Variants in COL28A1 observed in about 807,000 individuals in gnomAD.
COL28A1 encodes the protein collagen alpha-1(XXVIII) chain.
In COL28A1, 161 loss-of-function variants were observed where a neutral mutation model predicts 150.2. The observed-to-expected ratio is 1.07, with a 90% CI of 0.94 to 1.22. The LOEUF (loss-of-function observed/expected upper bound fraction) is 1.22. Among genes scored for constraint, COL28A1 ranks in the 50% most tolerant of loss-of-function variants. The pLI, the probability that COL28A1 is intolerant of heterozygous loss-of-function variation, is 0.00. For synonymous variants in COL28A1, 552 were observed against 469.7 expected (o/e 1.18, Z -2.26); for missense variants, 1,617 against 1,388.3 (o/e 1.16, Z -2.62).
chr7:7,512,444 C>T (rs1781197182), intron 8 of COL28A1, among the ~76,000 whole-genome samples: 1 of 152,092 alleles, frequency 6.6e-6, no homozygotes, highest in African/African-American at 2.4e-5. Context: ...ATACATTTAT[C>T]AAATTATATT....
intron 27 of COL28A1, among the ~76,000 whole-genome samples, chr7:7,386,410 GAACT>G (rs941582281): frequency 1.1e-4 from 16 of 152,288 alleles, no homozygotes; most frequent in African/African-American, 3.8e-4. Context: ...CAAAAAATGA[GAACT>G]AATCTGTGAA....
In COL28A1 at chr7:7,531,500, C is replaced by A; in HGVS notation, c.529G>T (p.Asp177Tyr). The change falls in exon 3 of 35, where the codon GAT becomes TAT. Residue 177 changes from aspartate to tyrosine, a missense_variant. Asp to Tyr is a radical substitution (Grantham distance 160). Transcript: ENST00000399429. ...AATGATATTCCTGAAATTCTGGCAT[C>A]TTCAGAAATACTTTGAACATCTGGA... is the stretch of plus-strand genomic sequence containing the variant. ...KNPDVQSISE[D>Y]ARISGISFIT... The A allele has an allele frequency of 6.2e-7, 1 of 1,611,318 alleles. No individual in the cohort carries two copies. The highest frequency in any genetic ancestry group is 8.5e-7 in the Non-Finnish European group (1 of 1,177,542).
intron 27 of COL28A1, among the ~76,000 whole-genome samples, chr7:7,383,107 CAG>C (rs1781956675): frequency 6.6e-6 from 1 of 152,092 alleles, no homozygotes; most frequent in African/African-American, 2.4e-5. Context: ...AAAAATAAAA[CAG>C]ATACAATTCA....
intron 11 of COL28A1, among the ~76,000 whole-genome samples, chr7:7,501,578 G>C (rs1472483649): frequency 6.6e-6 from 1 of 152,148 alleles, no homozygotes; most frequent in Non-Finnish European, 1.5e-5. Context: ...ATATAGGCTG[G>C]GCAAACCCAG....
At chr7:7,451,929 C>T (rs73346309) in intron 18 of COL28A1, among the ~76,000 whole-genome samples, 2,736 of 152,230 alleles carry the variant, frequency 0.018, 88 homozygotes, top group African/African-American at 0.063. Flanking sequence ...AAGTTGAGCG[C>T]TCAACTGGCT....
At chr7:7,429,538 C>A (rs917176163) in intron 25 of COL28A1, among the ~76,000 whole-genome samples, 2 of 151,692 alleles carry the variant, frequency 1.3e-5, no homozygotes, top group Admixed American at 6.6e-5. Context: ...AAAAAAAGGC[C>A]ACATAGAAAT....
At chr7:7,540,330 A>G (rs1393377384), upstream of COL28A1, among the ~76,000 whole-genome samples, 1 of 152,194 alleles carries the variant, frequency 6.6e-6, no homozygotes, top group Non-Finnish European at 1.5e-5. Flanking sequence ...TTACTTTCAG[A>G]TATTAGACAG....
chr7:7,348,910 T>A, the COL28A1 span, among the ~76,000 whole-genome samples: 1 of 152,022 alleles, frequency 6.6e-6, no homozygotes, highest in Non-Finnish European at 1.5e-5. Context: ...ACCCAGATAA[T>A]TTTTTAAATT....
intron 11 of COL28A1, among the ~76,000 whole-genome samples, chr7:7,505,232 C>T (rs1185107165): frequency 6.6e-6 from 1 of 152,178 alleles, no homozygotes; most frequent in African/African-American, 2.4e-5. Context: ...CCTTAAAAAG[C>T]TGGCTTTCTT....
intron 27 of COL28A1, among the ~76,000 whole-genome samples, chr7:7,400,323 G>C (rs2128298447): frequency 6.6e-6 from 1 of 152,268 alleles, no homozygotes; most frequent in Middle Eastern, 3.4e-3. Context: ...AGATTTGACA[G>C]ACAGGAGAGA....
chr7:7,373,182 ATCTG>A lies in COL28A1; in HGVS notation c.2720_2723del (p.Thr907IlefsTer8). On this transcript the variant is annotated frameshift_variant, in exon 32 of 35. Transcript: ENST00000399429. LOFTEE classifies it high-confidence loss of function. The surrounding 1 kb of genome is among the most constrained non-coding windows in gnomAD (Gnocchi z 4.1). The stretch of plus-strand genomic sequence containing the variant: ...CTGTCAGTTTCTCTTTATCACGAGA[ATCTG>A]TCTGTCCATCAGTGATGACCAAGGC... The A allele has an allele frequency of 6.2e-7, 1 of 1,614,160 alleles. No homozygotes were observed. Among genetic ancestry groups the A allele is most frequent in the South Asian group, 1.1e-5 (1 of 91,078 alleles).
In COL28A1 at chr7:7,398,763, A is replaced by G. The variant is rs142278376; in HGVS notation, c.2137-17151T>C. Among the ~76,000 whole-genome samples, 33 of 152,312 alleles carry G rather than the reference A, an allele frequency of 2.2e-4. 1 individual carries two copies. The highest frequency in any genetic ancestry group is 4.6e-4 in the Non-Finnish European group (31 of 68,026). ...AATACAGAGAGACAGGGTTGCCTTT[A>G]TGACAGTTGACTCTGCTAGAGACAA... On this transcript the variant is annotated intron_variant, in intron 27 of 34. Transcript: ENST00000399429.
intron 11 of COL28A1, among the ~76,000 whole-genome samples, chr7:7,501,427 C>A (rs112320476): frequency 2.6e-5 from 4 of 152,252 alleles, no homozygotes; most frequent in African/African-American, 9.6e-5. Flanking sequence ...CCAGCTGCTT[C>A]CTGCACACGC....
intron 25 of COL28A1, 23 bp downstream of exon 25, chr7:7,432,450 C>T (rs773236684): frequency 1.8e-5 from 29 of 1,607,476 alleles, no homozygotes; most frequent in Non-Finnish European, 2.3e-5. Flanking sequence ...GAAGCTAGTA[C>T]GTTGCCTACT....
chr7:7,452,159 T>C (rs576677575), intron 18 of COL28A1, among the ~76,000 whole-genome samples, 160 bp downstream of exon 18: 130 of 152,342 alleles, frequency 8.5e-4, no homozygotes, highest in African/African-American at 3.1e-3. Flanking sequence ...CGTGTAATTA[T>C]AGCTTTTGCA....
At chr7:7,366,693 G>A (rs931559003) in intron 33 of COL28A1, among the ~76,000 whole-genome samples, 7 of 152,126 alleles carry the variant, frequency 4.6e-5, no homozygotes, top group African/African-American at 2.4e-5. Context: ...AGAAGAGGAA[G>A]GAAGGACAGA....
the COL28A1 span, among the ~76,000 whole-genome samples, chr7:7,341,224 C>T: frequency 1.3e-5 from 2 of 152,184 alleles, no homozygotes; most frequent in Admixed American, 6.5e-5. Flanking sequence ...CTCTTTTTTT[C>T]CTCTGCTCAG....
chr7:7,473,043 C>T (rs1034358200), intron 15 of COL28A1, among the ~76,000 whole-genome samples: 2 of 152,164 alleles, frequency 1.3e-5, no homozygotes, highest in Non-Finnish European at 2.9e-5. Context: ...GGATCAAGAA[C>T]TTAAATCTAA....
chr7:7,409,836 C>T (rs967681679), intron 27 of COL28A1, among the ~76,000 whole-genome samples: 2 of 152,078 alleles, frequency 1.3e-5, no homozygotes, highest in South Asian at 2.1e-4. Context: ...ACTGTCATCA[C>T]ACAGGGCCTT....
Sources: gnomAD v4.1 joint callset for allele counts (sites outside exome capture counted in the v4.1 genomes callset) on GRCh38, gnomAD v4.1.1 for gene constraint, Gnocchi (gnomAD v3.1) non-coding constraint, MANE v1.5 for transcripts, NCBI Gene and HGNC (gene_info 2026-07-23, HGNC 2026-07-21) for gene names.